The following L3MBTL4 variants were observed in gnomAD, a reference collection of about 807,000 sequenced individuals.
The protein encoded by L3MBTL4 is L3MBTL histone methyl-lysine binding protein 4, also known as lethal(3)malignant brain tumor-like protein 4.
In L3MBTL4, 70 loss-of-function variants were observed where a neutral mutation model predicts 84.5. The ratio of observed to expected loss-of-function variants is 0.83; its 90% CI spans 0.68 to 1.01. The LOEUF (loss-of-function observed/expected upper bound fraction) is 1.01, where lower values mean the gene tolerates loss of function less well. Among genes scored for constraint, L3MBTL4 ranks in the 50% least tolerant of loss-of-function variants. The pLI is 0.00. For missense variants in L3MBTL4, 715 were observed against 754.8 expected (o/e 0.95, Z 0.62); for synonymous variants, 274 against 259.8 (o/e 1.05, Z -0.52).
intron 1 of L3MBTL4, among the ~76,000 whole-genome samples, chr18:6,362,822 T>C: frequency 6.6e-6 from 1 of 152,184 alleles, no homozygotes; most frequent in South Asian, 2.1e-4. Context: ...GAAAAACAAA[T>C]GCAAGTTTTT....
At chr18:6,169,014 C>G (rs1598990693) in intron 13 of L3MBTL4, among the ~76,000 whole-genome samples, 1 of 152,160 alleles carries the variant, frequency 6.6e-6, no homozygotes, top group South Asian at 2.1e-4. Context: ...AAAAAGTGGG[C>G]AAAGAATATG....
intron 3 of L3MBTL4, among the ~76,000 whole-genome samples, chr18:6,307,695 G>T (rs1034036989): frequency 2.0e-5 from 3 of 151,972 alleles, no homozygotes; most frequent in African/African-American, 7.3e-5. Flanking sequence ...TTCAGCAATA[G>T]TCTAAGATCC....
At chr18:6,354,162 C>T (rs2053327646) in intron 1 of L3MBTL4, among the ~76,000 whole-genome samples, 1 of 152,006 alleles carries the variant, frequency 6.6e-6, no homozygotes, top group South Asian at 2.1e-4. Context: ...CAACAAAGGT[C>T]CCAAGAACAC....
At chr18:6,012,654 G>T (rs1314530502) in intron 16 of L3MBTL4, among the ~76,000 whole-genome samples, 1 of 138,066 alleles carries the variant, frequency 7.2e-6, no homozygotes, top group East Asian at 2.1e-4. Flanking sequence ...GTGAGACCTT[G>T]TCTCTACAAA....
rs1393746943 is a variant in L3MBTL4 at position 6,370,151 on chromosome 18, A to AAAAG, written c.-91+44646_-91+44649dup. Among the ~76,000 whole-genome samples the AAAAG allele has an allele frequency of 1.5e-4, 22 of 150,818 alleles. 1 individual carries two copies. Among genetic ancestry groups the AAAAG allele is most frequent in the African/African-American group, 5.4e-4 (22 of 40,534 alleles). On this transcript the variant is annotated intron_variant, in intron 1 of 18. Coordinates refer to ENST00000317931, the MANE Select transcript of L3MBTL4 (RefSeq NM_001330559.2). ...TCGGTCTCAAAAAAAAAAAAAAAAA[A>AAAAG]AAAGAAAGCACTGACCTGGCTTACT...
chr18:6,159,524 T>C (rs2043233457), intron 13 of L3MBTL4, among the ~76,000 whole-genome samples: 1 of 152,220 alleles, frequency 6.6e-6, no homozygotes, highest in African/African-American at 2.4e-5. Context: ...CTCCTGCATC[T>C]ATTTATATCT....
chr18:6,388,367 T>C (rs560992724), intron 1 of L3MBTL4, among the ~76,000 whole-genome samples: 1 of 152,300 alleles, frequency 6.6e-6, no homozygotes, highest in Non-Finnish European at 1.5e-5. Flanking sequence ...GCCAGCATTA[T>C]TTGCAGACAA....
chr18:6,103,723 G>A (rs1188345272), intron 14 of L3MBTL4, among the ~76,000 whole-genome samples: 2 of 152,148 alleles, frequency 1.3e-5, no homozygotes, highest in Non-Finnish European at 2.9e-5. Context: ...ATGTATACCC[G>A]CAAGCATCTA....
intron 10 of L3MBTL4, among the ~76,000 whole-genome samples, chr18:6,216,908 G>A (rs1487605667): frequency 6.6e-6 from 1 of 151,906 alleles, no homozygotes; most frequent in African/African-American, 2.4e-5. Context: ...GAGGTTTGAG[G>A]ATTTCTTTTT....
At chr18:6,278,335 T>C (rs181894470) in intron 4 of L3MBTL4, among the ~76,000 whole-genome samples, 251 of 152,310 alleles carry the variant, frequency 1.6e-3, no homozygotes, top group African/African-American at 5.0e-3. Context: ...GATCATTACA[T>C]GGCGAGTCAT....
rs1459830401 is a variant in L3MBTL4 at position 6,307,218 on chromosome 18, G to A, written c.72+4336C>T. ...GAGGCCGAGGCAGGCGGATCACAAG[G>A]TCAAGAGATTGAGACCATGCTGGCC... On this transcript the variant is annotated intron_variant, in intron 3 of 18. Transcript: ENST00000317931. Among the ~76,000 whole-genome samples, 4 of 151,932 alleles carry A rather than the reference G, an allele frequency of 2.6e-5. No homozygotes were observed. The East Asian group carries it at 5.8e-4, about 22-fold the overall frequency.
chr18:6,139,736 A>G (rs113706868), intron 13 of L3MBTL4, among the ~76,000 whole-genome samples: 2,578 of 152,092 alleles, frequency 0.017, 80 homozygotes, highest in African/African-American at 0.058. Flanking sequence ...GGCTGAAGAC[A>G]TGGCTTCCCA....
intron 1 of L3MBTL4, among the ~76,000 whole-genome samples, chr18:6,404,005 C>T (rs1298481586): frequency 6.7e-6 from 1 of 149,940 alleles, no homozygotes; most frequent in Non-Finnish European, 1.5e-5. Flanking sequence ...AATGGAAAAC[C>T]AAACATCAAA....
chr18:6,344,624 T>C (rs1359236706), intron 1 of L3MBTL4, among the ~76,000 whole-genome samples: 1 of 152,018 alleles, frequency 6.6e-6, no homozygotes, highest in Non-Finnish European at 1.5e-5. Context: ...GATGAACACA[T>C]ACAAAAATAC....
chr18:6,281,978 C>A lies in L3MBTL4; in HGVS notation c.128-17940G>T, dbSNP rs574429518. Reference sequence around the variant, plus strand: ...AGATTCATTCTGGGTTATCTATTACCAATACAGAGCTGTCTCTCCACAAGA... The same window carrying A: ...AGATTCATTCTGGGTTATCTATTACAAATACAGAGCTGTCTCTCCACAAGA... On this transcript the variant is annotated intron_variant, in intron 4 of 18. Coordinates refer to ENST00000317931, the MANE Select transcript of L3MBTL4 (RefSeq NM_001330559.2). Among the ~76,000 whole-genome samples, 3 of 152,274 alleles carry A rather than the reference C, an allele frequency of 2.0e-5. No homozygotes were observed. The South Asian group carries it at 6.2e-4, about 32-fold the overall frequency.
chr18:6,405,775 A>T (rs2055709915), intron 1 of L3MBTL4, among the ~76,000 whole-genome samples: 1 of 152,230 alleles, frequency 6.6e-6, no homozygotes, highest in Non-Finnish European at 1.5e-5. Flanking sequence ...CATCACAGGT[A>T]TTGAGGAATG....
chr18:6,217,148 A>C (rs1237867350), intron 10 of L3MBTL4, among the ~76,000 whole-genome samples: 1 of 152,154 alleles, frequency 6.6e-6, no homozygotes, highest in African/African-American at 2.4e-5. Flanking sequence ...ATATATTTAA[A>C]GGAAAGTACA....
At chr18:6,125,179 A>AAAGG (rs892912810) in intron 14 of L3MBTL4, among the ~76,000 whole-genome samples, 1 of 151,806 alleles carries the variant, frequency 6.6e-6, no homozygotes, top group Non-Finnish European at 1.5e-5. Flanking sequence ...AGGAAGGAGG[A>AAAGG]AAGGAAGGAA....
At chr18:6,204,546 A>T (rs2045790269) in intron 12 of L3MBTL4, among the ~76,000 whole-genome samples, 2 of 152,364 alleles carry the variant, frequency 1.3e-5, no homozygotes, top group Non-Finnish European at 2.9e-5. Flanking sequence ...ACATGCATGT[A>T]TACATAGATA....
Sources: allele counts gnomAD v4.1 joint callset (sites outside exome capture counted in the v4.1 genomes callset), GRCh38; gene constraint gnomAD v4.1.1; transcripts MANE v1.5; gene names NCBI Gene and HGNC (gene_info 2026-07-23, HGNC 2026-07-21).